RNLS: variants seen among roughly 807,000 people sequenced by gnomAD.
RNLS encodes the protein renalase.
Under a neutral mutation model 39.8 loss-of-function variants are expected in RNLS, and 39 were observed. The observed-to-expected ratio is 0.98, with a 90% CI of 0.76 to 1.28. The LOEUF is 1.28. Among genes scored for constraint, RNLS ranks in the 50% most tolerant of loss-of-function variants. RNLS has a pLI of 0.00. For synonymous variants in RNLS, 147 were observed against 150.7 expected (o/e 0.98, Z 0.18); for missense variants, 410 against 413.3 (o/e 0.99, Z 0.07).
At chr10:88,482,522 C>T (rs1844247694) in intron 4 of RNLS, among the ~76,000 whole-genome samples, 1 of 152,076 alleles carries the variant, frequency 6.6e-6, no homozygotes. Context: ...CTTATATCCC[C>T]TCATTGAGAT....
rs185190273 is a variant in RNLS, at chr10:88,390,209, C to T, written c.527-27484G>A. Among the ~76,000 whole-genome samples the T allele has an allele frequency of 3.1e-3, 468 of 152,272 alleles. 2 individuals carry two copies. The highest frequency in any genetic ancestry group is 5.2e-3 in the Non-Finnish European group (355 of 68,024). On this transcript the variant is annotated intron_variant, in intron 4 of 6. Transcript: ENST00000331772. ...TGACTCCTTGATAAAGCAGCTTTCA[C>T]GTGTCTTCACAAGGAAATAAAGTGA...
At chr10:88,230,237 A>G in the RNLS span, among the ~76,000 whole-genome samples, 3 of 151,734 alleles carry the variant, frequency 2.0e-5, no homozygotes, top group South Asian at 2.1e-4. Flanking sequence ...AAACAAGCAA[A>G]CAAACAAACA....
chr10:88,429,649 G>A (rs956182028), intron 4 of RNLS, among the ~76,000 whole-genome samples: 12 of 151,734 alleles, frequency 7.9e-5, no homozygotes, highest in African/African-American at 2.9e-4. Flanking sequence ...GTAATTTTAG[G>A]TTTTATATTT....
the RNLS span, among the ~76,000 whole-genome samples, chr10:88,230,510 C>G: frequency 2.6e-3 from 390 of 152,260 alleles, 2 homozygotes; most frequent in Non-Finnish European, 4.1e-3. Flanking sequence ...CTTCTTCCCC[C>G]TCCAATGCAT....
At chr10:88,343,779 A>G in intron 5 of RNLS, 1 of 985,248 alleles carries the variant, frequency 1.0e-6, no homozygotes, top group Non-Finnish European at 1.2e-6. Flanking sequence ...ACACAAGGAG[A>G]TTTTCAGTCT....
chr10:88,472,387 T>C (rs1054549238), intron 4 of RNLS, among the ~76,000 whole-genome samples: 1 of 151,586 alleles, frequency 6.6e-6, no homozygotes, highest in Non-Finnish European at 1.5e-5. Context: ...TAAAGATGAG[T>C]TGAAGTCAAA....
intron 4 of RNLS, among the ~76,000 whole-genome samples, chr10:88,529,617 A>G (rs954188066): frequency 2.6e-5 from 4 of 152,218 alleles, no homozygotes; most frequent in Non-Finnish European, 4.4e-5. Context: ...ATAATTACTC[A>G]TATTTAAAAT....
the RNLS span, among the ~76,000 whole-genome samples, chr10:88,203,315 TATGTATATATATATATATATAC>T: frequency 3.3e-3 from 16 of 4,878 alleles, 7 homozygotes; most frequent in African/African-American, 7.9e-3. Flanking sequence ...TATATATACG[TATGTATATATATATATATATAC>T]ACGTATGTGT....
chr10:88,533,154 T>C (rs1246454663), intron 4 of RNLS, among the ~76,000 whole-genome samples: 1 of 152,148 alleles, frequency 6.6e-6, no homozygotes, highest in Non-Finnish European at 1.5e-5. Flanking sequence ...ATGTTTGTAA[T>C]GTATAATCTT....
rs148619549 is a variant in RNLS at position 88,385,536 on chromosome 10, T to C, written c.527-22811A>G. Among the ~76,000 whole-genome samples the C allele has an allele frequency of 1.3e-3, 201 of 152,298 alleles. 1 individual carries two copies. Among genetic ancestry groups the C allele is most frequent in the African/African-American group, 4.8e-3 (199 of 41,576 alleles). On this transcript the variant is annotated intron_variant, in intron 4 of 6. Coordinates refer to ENST00000331772, the MANE Select transcript of RNLS (RefSeq NM_001031709.3). ...AGGCACAGAATTCAAAAGAGTCAAATGTGTTTCCAACTTGCTAACTGCAAA... is the reference window on the plus strand; with the variant it reads ...AGGCACAGAATTCAAAAGAGTCAAACGTGTTTCCAACTTGCTAACTGCAAA...
intron 5 of RNLS, among the ~76,000 whole-genome samples, chr10:88,315,714 C>T (rs1408512539): frequency 1.3e-5 from 2 of 149,934 alleles, no homozygotes; most frequent in East Asian, 2.0e-4. Flanking sequence ...CACTATGTGC[C>T]CGCTTAACCT....
chr10:88,525,357 A>C (rs964482388), intron 4 of RNLS, among the ~76,000 whole-genome samples: 3 of 152,104 alleles, frequency 2.0e-5, no homozygotes, highest in Admixed American at 6.6e-5. Flanking sequence ...CTAAGTAATG[A>C]AATAGTTCAG....
the RNLS span, among the ~76,000 whole-genome samples, chr10:88,185,232 C>A: frequency 2.0e-5 from 3 of 152,158 alleles, no homozygotes; most frequent in South Asian, 4.1e-4. Context: ...TTCATTAATT[C>A]ATCCTTTGTC....
At chr10:88,370,864 C>T (rs1378404043) in intron 4 of RNLS, among the ~76,000 whole-genome samples, 1 of 152,104 alleles carries the variant, frequency 6.6e-6, no homozygotes, top group Non-Finnish European at 1.5e-5. Context: ...TTCACTTCAC[C>T]TGGAATAAAT....
At chr10:88,452,604 C>G (rs1842421585) in intron 4 of RNLS, among the ~76,000 whole-genome samples, 1 of 152,122 alleles carries the variant, frequency 6.6e-6, no homozygotes, top group Admixed American at 6.5e-5. Flanking sequence ...TCCTACAACT[C>G]TGGGCTCTGC....
intron 4 of RNLS, among the ~76,000 whole-genome samples, chr10:88,434,671 C>A (rs904262010): frequency 5.3e-5 from 8 of 152,016 alleles, no homozygotes; most frequent in African/African-American, 1.7e-4. Flanking sequence ...ACTTAAAAGC[C>A]TGTATTAAAA....
rs531452420 is a variant in RNLS at position 88,506,836 on chromosome 10, C to T, written c.526+66067G>A. Reference sequence around the variant, plus strand: ...AAGTTTATGTTTTCAAAGTGAAAGACTAAAGCATTCTGAAGCAACTAAAAT... The same window carrying T: ...AAGTTTATGTTTTCAAAGTGAAAGATTAAAGCATTCTGAAGCAACTAAAAT... On this transcript the variant is annotated intron_variant, in intron 4 of 6. Coordinates refer to ENST00000331772, the MANE Select transcript of RNLS (RefSeq NM_001031709.3). Among the ~76,000 whole-genome samples, 7 of 152,184 alleles carry T rather than the reference C, an allele frequency of 4.6e-5. No individual in the cohort carries two copies. The South Asian group carries it at 1.2e-3, about 27-fold the overall frequency.
At chr10:88,304,454 G>A (rs1019149342) in intron 6 of RNLS, among the ~76,000 whole-genome samples, 1 of 152,154 alleles carries the variant, frequency 6.6e-6, no homozygotes, top group Non-Finnish European at 1.5e-5. Context: ...ATAAAACAAG[G>A]CAAGAGCTGA....
chr10:88,528,309 A>G (rs1268758094), intron 4 of RNLS, among the ~76,000 whole-genome samples: 1 of 152,204 alleles, frequency 6.6e-6, no homozygotes, highest in Non-Finnish European at 1.5e-5. Context: ...CATACTTAGA[A>G]TTCTTGCTTA....
Sources: gnomAD v4.1 joint callset for allele counts (sites outside exome capture counted in the v4.1 genomes callset) on GRCh38, gnomAD v4.1.1 for gene constraint, MANE v1.5 for transcripts, NCBI Gene and HGNC (gene_info 2026-07-23, HGNC 2026-07-21) for gene names.